Variants in ELOA observed in about 807,000 individuals in gnomAD.
ELOA encodes the protein elongin-A.
A neutral mutation model predicts 85.2 loss-of-function variants in ELOA; 15 were observed. The observed-to-expected ratio is 0.18, with a 90% confidence interval of 0.12 to 0.27. The LOEUF is 0.27. ELOA is among the 10% of genes least tolerant of loss of function. The pLI is 1.00. For synonymous variants in ELOA, 348 were observed against 357.2 expected (o/e 0.97, Z 0.29); for missense variants, 769 against 952.7 (o/e 0.81, Z 2.54).
intron 3 of ELOA, among the ~76,000 whole-genome samples, chr1:23,750,300 T>C (rs1034345162): frequency 4.0e-5 from 6 of 149,820 alleles, no homozygotes; most frequent in Non-Finnish European, 7.4e-5. Flanking sequence ...CTCAGCCTCC[T>C]GAGTAGCTGG....
At chr1:23,746,512 C>A (rs1368275714) in intron 1 of ELOA, among the ~76,000 whole-genome samples, 2 of 144,156 alleles carry the variant, frequency 1.4e-5, no homozygotes, top group Non-Finnish European at 3.0e-5. Flanking sequence ...GAGGCTGAGA[C>A]AGGAGAATCT....
chr1:23,743,516 T>C lies in ELOA; in HGVS notation c.13T>C (p.Ser5Pro). The C allele has an allele frequency of 6.7e-7, 1 of 1,502,884 alleles. No individual in the cohort carries two copies. Among genetic ancestry groups the C allele is most frequent in the South Asian group, 1.2e-5 (1 of 80,664 alleles). 93.1% of individuals were successfully genotyped at this position (1,502,884 alleles called of 1,614,324 possible). ...GCCAGTGACAGCGATGGCGGCGGAG[T>C]CGGCGCTCCAAGTTGTGGAGAAGCT... MAAE[S>P]ALQVVEKLQA... Residue 5 changes from serine (S) to proline (P), a missense_variant, in exon 1 of 11, where the codon TCG (serine) becomes CCG (proline). Transcript: ENST00000613537.
intron 1 of ELOA, among the ~76,000 whole-genome samples, chr1:23,746,346 G>A (rs1031038701): frequency 1.4e-5 from 2 of 144,226 alleles, no homozygotes; most frequent in Admixed American, 7.0e-5. Context: ...AGTGGCTCAC[G>A]CTTGTAATCA....
rs1638267998 is a variant in ELOA, at chr1:23,760,026, C to G, written c.*453C>G. Reference sequence around the variant, plus strand: ...GCCAGTCTCCTGCCCCAGCTCAGCTCTGTGTGGACTCTGGTCCAGACAGAG... The same window carrying G: ...GCCAGTCTCCTGCCCCAGCTCAGCTGTGTGTGGACTCTGGTCCAGACAGAG... On this transcript the variant is annotated 3_prime_UTR_variant, in exon 11 of 11. Transcript: ENST00000613537. 2 of 189,782 alleles carry G rather than the reference C, an allele frequency of 1.1e-5. No homozygotes were observed. The highest frequency in any genetic ancestry group is 2.2e-5 in the Non-Finnish European group (2 of 91,590). 11.8% of individuals were successfully genotyped at this position (189,782 alleles called of 1,614,324 possible). A position where few individuals can be genotyped will look rare whatever the true frequency, so the allele number is the denominator to read the frequency against.
intron 1 of ELOA, among the ~76,000 whole-genome samples, chr1:23,748,530 T>C (rs114189992): frequency 1.2e-3 from 179 of 152,356 alleles, no homozygotes; most frequent in Admixed American, 4.1e-3. Context: ...TACACTTATG[T>C]AGAAGAAAAC....
intron 10 of ELOA, among the ~76,000 whole-genome samples, chr1:23,758,362 C>T (rs184437584): frequency 1.4e-4 from 20 of 142,400 alleles, no homozygotes; most frequent in Admixed American, 1.1e-3. Context: ...CAACCTCCAC[C>T]TCCCAGGTTC....
At position 23,756,940 on chromosome 1, in the gene ELOA, T is replaced by C; in HGVS notation, c.2085-13T>C. 1 of 1,488,520 alleles carries C rather than the reference T, an allele frequency of 6.7e-7. No individual in the cohort carries two copies. Among genetic ancestry groups the C allele is most frequent in the South Asian group, 1.4e-5 (1 of 69,922 alleles). The allele number at this position is 1,488,520 out of a possible 1,614,324, so 92.2% of individuals were successfully genotyped here. A position where few individuals can be genotyped will look rare whatever the true frequency, so the allele number is the denominator to read the frequency against. ...TTGTGCTCATGCCTAACCAGTGTTG[T>C]CCTGTGTTGCAGGATCAAGCCAGCC... On this transcript the variant is annotated splice_polypyrimidine_tract_variant and intron_variant, in intron 9 of 10. Transcript: ENST00000613537.
chr1:23,750,365 C>T (rs1041840002), intron 3 of ELOA, among the ~76,000 whole-genome samples: 9 of 151,812 alleles, frequency 5.9e-5, no homozygotes, highest in Non-Finnish European at 1.0e-4. Context: ...TTAGTAGAGA[C>T]AGGGTTTCGC....
At chr1:23,754,519 GCTTTGTCC>G (rs1271742391) in intron 7 of ELOA, 59 bp downstream of exon 7, 22 of 1,364,316 alleles carry the variant, frequency 1.6e-5, no homozygotes, top group Non-Finnish European at 1.9e-5. Flanking sequence ...TCCAGAAATA[GCTTTGTCC>G]CTGTGACTCC....
intron 1 of ELOA, chr1:23,743,923 G>T (rs945976743): frequency 2.0e-4 from 37 of 188,622 alleles, no homozygotes; most frequent in African/African-American, 8.6e-4. Flanking sequence ...GGAGGGCGCT[G>T]GCCGCCGCCT....
At chr1:23,759,128 G>A (rs980430890) in intron 10 of ELOA, among the ~76,000 whole-genome samples, 1 of 152,216 alleles carries the variant, frequency 6.6e-6, no homozygotes, top group Non-Finnish European at 1.5e-5. Flanking sequence ...AGGCTACAGT[G>A]TGCTGTGATT....
At chr1:23,755,479 A>G (rs570209115) in intron 7 of ELOA, among the ~76,000 whole-genome samples, 212 of 152,306 alleles carry the variant, frequency 1.4e-3, no homozygotes, top group Non-Finnish European at 1.0e-3. Flanking sequence ...TAGGTAATTA[A>G]ATAATCAGAA....
At chr1:23,747,157 C>G (rs1644750795) in intron 1 of ELOA, among the ~76,000 whole-genome samples, 1 of 152,150 alleles carries the variant, frequency 6.6e-6, no homozygotes, top group Non-Finnish European at 1.5e-5. Flanking sequence ...ACCTTTGTTC[C>G]CTTGGTGACC....
rs374159022 is a variant in ELOA at position 23,755,835 on chromosome 1, G to T, written c.1792-8G>T. ...TGTACACAAATGATGTCCTGGTTCT[G>T]GTTTCAGGTATTAATTGAAGAAACA... On this transcript the variant is annotated splice_polypyrimidine_tract_variant and splice_region_variant and intron_variant, in intron 7 of 10. Coordinates refer to ENST00000613537, the MANE Select transcript of ELOA (RefSeq NM_003198.3). 1.9e-6 allele frequency: 3 copies of T among 1,591,764 alleles called. No individual in the cohort carries two copies. Among genetic ancestry groups the T allele is most frequent in the Non-Finnish European group, 2.6e-6 (3 of 1,171,086 alleles).
Position 23,751,597 on chromosome 1 carries a change from G to A in ELOA, c.992G>A (p.Arg331Lys), listed in dbSNP as rs1168575971. 3.1e-6 allele frequency: 5 copies of A among 1,614,204 alleles called. No individual in the cohort carries two copies. Among genetic ancestry groups the A allele is most frequent in the Non-Finnish European group, 3.4e-6 (4 of 1,180,048 alleles). The change falls in exon 4 of 11, where the codon AGA becomes AAA. Residue 331 changes from arginine (R) to lysine (K), a missense_variant. Transcript: ENST00000613537. The part of the protein sequence containing the change: ...SDNHLKKPKH[R>K]DPEKAKLDKS... ...AACCACCTGAAAAAGCCAAAGCACAGAGACCCAGAGAAAGCCAAATTGGAC... is the reference window on the plus strand; with the variant it reads ...AACCACCTGAAAAAGCCAAAGCACAAAGACCCAGAGAAAGCCAAATTGGAC...
At position 23,753,607 on chromosome 1, in the gene ELOA, A is replaced by G. The variant is rs542343784; in HGVS notation, c.1538-493A>G. Among the ~76,000 whole-genome samples, 411 of 152,328 alleles carry G rather than the reference A, an allele frequency of 2.7e-3. 2 individuals are homozygous for G. Among genetic ancestry groups the G allele is most frequent in the African/African-American group, 8.7e-3 (363 of 41,562 alleles). On this transcript the variant is annotated intron_variant, in intron 5 of 10. Transcript: ENST00000613537. ...CATCCTATGCCACAGTAAAAAAAAA[A>G]TGTGGAAAGTCTATGCACTGACATG...
At chr1:23,758,342 C>T (rs1269692731) in intron 10 of ELOA, among the ~76,000 whole-genome samples, 1 of 121,162 alleles carries the variant, frequency 8.3e-6, no homozygotes, top group Non-Finnish European at 1.6e-5. Context: ...GGCGTGATCT[C>T]GGCTCACTGC....
intron 10 of ELOA, among the ~76,000 whole-genome samples, chr1:23,758,247 ATTTATTTATTTATTTTTTTTTTTTTT>A (rs1430770119): frequency 1.8e-5 from 1 of 56,790 alleles, no homozygotes; most frequent in Non-Finnish European, 3.4e-5. Context: ...GGGTCTTCCA[ATTTATTTATTTATTTTTTTTTTTTTT>A]TTTTTTTTTT....
At position 23,761,582 on chromosome 1, in the gene ELOA, G is replaced by C. The variant is rs1273454922; in HGVS notation, c.*2009G>C. On this transcript the variant is annotated 3_prime_UTR_variant, in exon 11 of 11. Coordinates refer to ENST00000613537, the MANE Select transcript of ELOA (RefSeq NM_003198.3). ...GATGAGCCCTGTTTGCATAGAGCCA[G>C]ATGTTTTCCCCTCCCCCAAGAGTAT... The C allele has an allele frequency of 1.3e-5, 2 of 152,170 alleles. No homozygotes were observed. The highest frequency in any genetic ancestry group is 2.1e-4 in the South Asian group (1 of 4,826). The allele number at this position is 152,170 out of a possible 1,614,324, so 9.4% of individuals were successfully genotyped here.
Sources: gnomAD v4.1 joint callset for allele counts (sites outside exome capture counted in the v4.1 genomes callset) on GRCh38, gnomAD v4.1.1 for gene constraint, MANE v1.5 for transcripts, NCBI Gene and HGNC (gene_info 2026-07-23, HGNC 2026-07-21) for gene names.